Variants in SNED1 observed in about 807,000 individuals in gnomAD.
SNED1 encodes the protein sushi, nidogen and EGF like domains 1.
SNED1 carries 81 observed loss-of-function variants against 166.7 expected under a neutral mutation model. That is an observed-to-expected ratio of 0.49 (90% CI 0.41 to 0.58). The LOEUF (loss-of-function observed/expected upper bound fraction) is 0.58. Ranked by LOEUF, SNED1 falls within the 20% of genes least tolerant of loss-of-function variation. SNED1 has a pLI of 0.00. For missense variants in SNED1, 1,604 were observed against 2,000.2 expected (o/e 0.80, Z 3.78); for synonymous variants, 762 against 822.0 (o/e 0.93, Z 1.25).
intron 21 of SNED1, among the ~76,000 whole-genome samples, chr2:241,066,528 T>C: frequency 6.6e-6 from 1 of 152,066 alleles, no homozygotes; most frequent in Non-Finnish European, 1.5e-5. Flanking sequence ...AACATGCCTG[T>C]GGCCTCCAGA....
intron 1 of SNED1, among the ~76,000 whole-genome samples, chr2:241,025,527 A>G (rs1284369874): frequency 1.3e-5 from 2 of 152,192 alleles, no homozygotes; most frequent in Non-Finnish European, 2.9e-5. Context: ...TTTTAATTCT[A>G]TAGATTTTTT....
At chr2:241,034,776 G>C in intron 4 of SNED1, 46 bp downstream of exon 4, 10 of 1,488,368 alleles carry the variant, frequency 6.7e-6, no homozygotes, top group Non-Finnish European at 9.0e-6. Flanking sequence ...GGCTGAGGAA[G>C]GGGGTTGATG....
intron 26 of SNED1, chr2:241,072,921 G>T (rs1332864880): frequency 2.9e-6 from 1 of 341,626 alleles, no homozygotes; most frequent in Middle Eastern, 8.0e-4. Context: ...AGAAGCAGGG[G>T]TGGAAGGAGA....
At chr2:241,057,255 T>C (rs892171949) in intron 16 of SNED1, among the ~76,000 whole-genome samples, 3 of 151,722 alleles carry the variant, frequency 2.0e-5, no homozygotes, top group African/African-American at 7.3e-5. Flanking sequence ...GGTGGGCACC[T>C]GTAATCTCAG....
At chr2:241,007,919 T>C (rs1354459071) in intron 1 of SNED1, among the ~76,000 whole-genome samples, 1 of 152,214 alleles carries the variant, frequency 6.6e-6, no homozygotes, top group African/African-American at 2.4e-5. Context: ...CCTCCCTCTC[T>C]TTCCCTCCCT....
chr2:241,054,588 T>C (rs1351143263), intron 16 of SNED1, among the ~76,000 whole-genome samples: 1 of 152,076 alleles, frequency 6.6e-6, no homozygotes, highest in African/African-American at 2.4e-5. Flanking sequence ...AGAAAATGGA[T>C]TAACGGTATA....
chr2:241,027,764 C>T (rs1190095648), intron 1 of SNED1, among the ~76,000 whole-genome samples: 4 of 148,214 alleles, frequency 2.7e-5, no homozygotes, highest in African/African-American at 5.0e-5. Flanking sequence ...GGTGGAGTCT[C>T]GCACTGTGAC....
At chr2:241,040,931 C>T (rs773537533) in intron 8 of SNED1, 2 of 442,656 alleles carry the variant, frequency 4.5e-6, no homozygotes, top group South Asian at 3.4e-5. Flanking sequence ...AGATTGCAGC[C>T]TACAGTATAA....
intron 27 of SNED1, among the ~76,000 whole-genome samples, chr2:241,079,411 C>CAA (rs757361914): frequency 5.4e-5 from 4 of 74,448 alleles, no homozygotes; most frequent in African/African-American, 4.6e-5. Context: ...GACTCCATCT[C>CAA]AAAAAAAAAA....
intron 29 of SNED1, among the ~76,000 whole-genome samples, chr2:241,084,609 TG>T (rs2063494207): frequency 6.6e-6 from 1 of 152,244 alleles, no homozygotes; most frequent in African/African-American, 2.4e-5. Context: ...CTTCCACATA[TG>T]CTGTGAACTG....
intron 29 of SNED1, among the ~76,000 whole-genome samples, chr2:241,085,848 T>A (rs1203317120): frequency 2.0e-5 from 3 of 150,498 alleles, no homozygotes; most frequent in African/African-American, 7.3e-5. Context: ...TGGCATGGCC[T>A]TTCTGCGGTT....
chr2:241,067,355 A>T (rs1440728154), intron 21 of SNED1, among the ~76,000 whole-genome samples: 1 of 152,210 alleles, frequency 6.6e-6, no homozygotes, highest in Non-Finnish European at 1.5e-5. Context: ...CTCCTAAGAC[A>T]GCGTTGCCCA....
intron 8 of SNED1, 65 bp downstream of exon 8, chr2:241,040,478 T>G: frequency 2.0e-6 from 2 of 995,702 alleles, no homozygotes; most frequent in Non-Finnish European, 3.0e-6. Context: ...AACACCCCCA[T>G]AGCCACTTTC....
chr2:241,033,944 G>A (rs1253469359), intron 3 of SNED1, 69 bp downstream of exon 3: 39 of 1,506,916 alleles, frequency 2.6e-5, no homozygotes, highest in Non-Finnish European at 3.3e-5. Flanking sequence ...GTCATGAGCT[G>A]ATGAGGTAGG....
Position 241,065,226 on chromosome 2 carries a change from G to A in SNED1, c.2714-73G>A, listed in dbSNP as rs865876146. The A allele has an allele frequency of 1.2e-4, 175 of 1,515,900 alleles. 3 individuals carry two copies. The highest frequency in any genetic ancestry group is 1.0e-3 in the Middle Eastern group (6 of 5,824). The allele number at this position is 1,515,900 out of a possible 1,614,324, so 93.9% of individuals were successfully genotyped here. On this transcript the variant is annotated intron_variant, in intron 20 of 31. Transcript: ENST00000310397. ...CCCAAGAGCCAGACCCGGCTGAGCC[G>A]CCGACGGGAGCCAGGCATGCATAGC...
chr2:241,008,055 C>T (rs934092225), intron 1 of SNED1, among the ~76,000 whole-genome samples: 1 of 152,264 alleles, frequency 6.6e-6, no homozygotes, highest in Non-Finnish European at 1.5e-5. Flanking sequence ...TGAAGGCGGC[C>T]GTACCACCTG....
chr2:241,027,084 C>T (rs1397931215), intron 1 of SNED1, among the ~76,000 whole-genome samples: 2 of 147,944 alleles, frequency 1.4e-5, no homozygotes, highest in Non-Finnish European at 3.0e-5. Context: ...GATTTCCCTA[C>T]TTTTTTTTTT....
At chr2:241,005,742 T>A (rs2060204695) in intron 1 of SNED1, among the ~76,000 whole-genome samples, 1 of 152,162 alleles carries the variant, frequency 6.6e-6, no homozygotes, top group African/African-American at 2.4e-5. Flanking sequence ...ATTGGCATAG[T>A]TTGTAATGAG....
chr2:241,049,763 G>T, intron 11 of SNED1, 54 bp from the exon 12 acceptor site: 1 of 1,419,862 alleles, frequency 7.0e-7, no homozygotes. Flanking sequence ...GCCTCTTGCC[G>T]CCCGCACAGA....
Sources: gnomAD v4.1 joint callset for allele counts (sites outside exome capture counted in the v4.1 genomes callset) on GRCh38, gnomAD v4.1.1 for gene constraint, MANE v1.5 for transcripts, NCBI Gene and HGNC (gene_info 2026-07-23, HGNC 2026-07-21) for gene names.